GRIK2: variants seen among roughly 807,000 people sequenced by gnomAD.
The protein encoded by GRIK2 is glutamate receptor ionotropic, kainate 2.
A neutral mutation model predicts 100.3 loss-of-function variants in GRIK2; 32 were observed. The observed-to-expected ratio is 0.32, with a 90% CI of 0.24 to 0.43. The LOEUF (loss-of-function observed/expected upper bound fraction) is 0.43, where lower values mean the gene tolerates loss of function less well. Among genes scored for constraint, GRIK2 ranks in the 20% least tolerant of loss-of-function variants. The probability of loss-of-function intolerance (pLI) is 1.00; values close to 1 mark genes in which losing one functional copy is unlikely to be tolerated. For missense variants in GRIK2, 843 were observed against 1,114.9 expected, an observed-to-expected ratio of 0.76 and a Z score of 3.47; for synonymous variants, 417 against 389.4, an observed-to-expected ratio of 1.07 and a Z score of -0.83.
intron 2 of GRIK2, among the ~76,000 whole-genome samples, chr6:101,490,474 T>C (rs1257094261): frequency 6.8e-6 from 1 of 146,320 alleles, no homozygotes; most frequent in African/African-American, 2.6e-5. Context: ...TTGCCACAGG[T>C]GTTCAAAGGA....
At chr6:101,814,060 T>C (rs1204219155) in intron 9 of GRIK2, among the ~76,000 whole-genome samples, 1 of 152,112 alleles carries the variant, frequency 6.6e-6, no homozygotes, top group African/African-American at 2.4e-5. Context: ...GATATTTCAA[T>C]TTTTATGGCT....
At chr6:101,725,774 T>C (rs1303274635) in intron 7 of GRIK2, among the ~76,000 whole-genome samples, 2 of 152,004 alleles carry the variant, frequency 1.3e-5, no homozygotes, top group Admixed American at 6.6e-5. Flanking sequence ...CATTTTGTAC[T>C]GGTCACTGAC....
intron 4 of GRIK2, among the ~76,000 whole-genome samples, chr6:101,627,278 A>T (rs1389557120): frequency 2.0e-5 from 3 of 152,032 alleles, no homozygotes; most frequent in African/African-American, 7.2e-5. Context: ...AGTAGCTGGG[A>T]TTACAGGCAT....
chr6:101,564,192 A>C (rs1777148943), intron 2 of GRIK2, among the ~76,000 whole-genome samples: 1 of 152,172 alleles, frequency 6.6e-6, no homozygotes, highest in African/African-American at 2.4e-5. Context: ...TGTTAAAACA[A>C]GCATTTACAT....
intron 5 of GRIK2, 152 bp downstream of exon 5, chr6:101,676,956 A>C (rs1477973079): frequency 1.8e-6 from 1 of 547,150 alleles, no homozygotes; most frequent in African/African-American, 2.0e-5. Context: ...GCTTTTAATT[A>C]ATTGTCTTAA....
chr6:101,745,139 C>T (rs747771445), intron 7 of GRIK2: 1 of 152,096 alleles, frequency 6.6e-6, no homozygotes, highest in African/African-American at 2.4e-5. Context: ...ATGATCTTAA[C>T]ATTCTTCATG....
chr6:101,561,691 T>C (rs1424384735), intron 2 of GRIK2, among the ~76,000 whole-genome samples: 7 of 152,014 alleles, frequency 4.6e-5, no homozygotes, highest in Non-Finnish European at 1.5e-5. Context: ...TCTGCTGAAC[T>C]TGAGGACTAG....
chr6:102,041,821 G>C (rs999267003), intron 15 of GRIK2, among the ~76,000 whole-genome samples: 1 of 151,384 alleles, frequency 6.6e-6, no homozygotes, highest in Non-Finnish European at 1.5e-5. Context: ...GTGTTTTGAA[G>C]AAATGTTCTC....
chr6:101,737,387 T>C (rs2128375125), intron 7 of GRIK2, among the ~76,000 whole-genome samples: 1 of 152,368 alleles, frequency 6.6e-6, no homozygotes, highest in Non-Finnish European at 1.5e-5. Context: ...GGACTTATAG[T>C]TCCACATGGC....
intron 10 of GRIK2, among the ~76,000 whole-genome samples, chr6:101,838,809 G>A (rs1768314882): frequency 2.0e-5 from 3 of 151,626 alleles, no homozygotes; most frequent in Non-Finnish European, 4.4e-5. Flanking sequence ...CCACCACCAC[G>A]CCTGGCTAAT....
At chr6:101,497,924 A>G (rs912895336) in intron 2 of GRIK2, among the ~76,000 whole-genome samples, 1 of 151,866 alleles carries the variant, frequency 6.6e-6, no homozygotes, top group Admixed American at 6.6e-5. Flanking sequence ...TGTGCAGGTT[A>G]GTTACATATG....
intron 16 of GRIK2, among the ~76,000 whole-genome samples, chr6:102,056,524 GACTTA>G (rs1423980724): frequency 6.6e-6 from 1 of 151,820 alleles, no homozygotes. Context: ...CAATATTTTA[GACTTA>G]ACTTTAACCA....
At chr6:101,756,419 A>ACATTTATAAATGGTTACATTTATAATCTG in intron 7 of GRIK2, among the ~76,000 whole-genome samples, 2 of 146,046 alleles carry the variant, frequency 1.4e-5, no homozygotes, top group African/African-American at 2.7e-5. Context: ...TTTATAATCT[A>ACATTTATAAATGGTTACATTTATAATCTG]CATTTATAAA....
intron 4 of GRIK2, among the ~76,000 whole-genome samples, chr6:101,646,028 T>A (rs1265672809): frequency 6.6e-6 from 1 of 151,856 alleles, no homozygotes; most frequent in Non-Finnish European, 1.5e-5. Flanking sequence ...TGCATTACAT[T>A]AAGATGTGTA....
intron 14 of GRIK2, among the ~76,000 whole-genome samples, chr6:102,026,111 C>CATATATATATATAT (rs6149730): frequency 2.2e-4 from 22 of 100,242 alleles, no homozygotes; most frequent in South Asian, 3.5e-4. Context: ...TATACACTTA[C>CATATATATATATAT]ATATATATAT....
intron 7 of GRIK2, among the ~76,000 whole-genome samples, chr6:101,722,898 G>A (rs1253519853): frequency 2.0e-5 from 3 of 152,026 alleles, no homozygotes; most frequent in Non-Finnish European, 2.9e-5. Context: ...GAATAATCTG[G>A]GAGAGGATGC....
At chr6:101,569,106 G>A (rs1777418377) in intron 2 of GRIK2, among the ~76,000 whole-genome samples, 1 of 151,994 alleles carries the variant, frequency 6.6e-6, no homozygotes, top group South Asian at 2.1e-4. Flanking sequence ...AAATTGCAAA[G>A]ACACATACAT....
At chr6:101,542,257 C>T (rs999937715) in intron 2 of GRIK2, among the ~76,000 whole-genome samples, 1 of 151,670 alleles carries the variant, frequency 6.6e-6, no homozygotes, top group African/African-American at 2.4e-5. Context: ...AAAAAAGAAC[C>T]ATAAGAGAAT....
intron 7 of GRIK2, among the ~76,000 whole-genome samples, chr6:101,697,253 C>T (rs1047796907): frequency 6.6e-6 from 1 of 151,730 alleles, no homozygotes; most frequent in Non-Finnish European, 1.5e-5. Flanking sequence ...TGACAGAGTG[C>T]TTGTGGTTTA....
Sources: allele counts gnomAD v4.1 joint callset (sites outside exome capture counted in the v4.1 genomes callset), GRCh38; gene constraint gnomAD v4.1.1; transcripts MANE v1.5; gene names NCBI Gene and HGNC (gene_info 2026-07-23, HGNC 2026-07-21).